Variants in GPBP1 observed in about 807,000 individuals in gnomAD.
The protein encoded by GPBP1 is GC-rich promoter binding protein 1.
GPBP1 carries 13 observed loss-of-function variants against 56.5 expected under a neutral mutation model. The ratio of observed to expected loss-of-function variants is 0.23; its 90% CI spans 0.15 to 0.37. The LOEUF (loss-of-function observed/expected upper bound fraction) is 0.37. GPBP1 is among the 10% of genes least tolerant of loss of function. The pLI is 1.00. For missense variants in GPBP1, 477 were observed against 572.3 expected (o/e 0.83, Z 1.70); for synonymous variants, 204 against 188.9 (o/e 1.08, Z -0.66).
chr5:57,259,690 C>T (rs1741808536), intron 10 of GPBP1, among the ~76,000 whole-genome samples: 1 of 152,104 alleles, frequency 6.6e-6, no homozygotes, highest in Admixed American at 6.6e-5. Flanking sequence ...TAATGATTTC[C>T]CATTGAAACT....
At chr5:57,251,663 T>C (rs78018916) in intron 10 of GPBP1, among the ~76,000 whole-genome samples, 4,421 of 152,164 alleles carry the variant, frequency 0.029, 144 homozygotes, top group East Asian at 0.12. Context: ...CATATATAAG[T>C]TCTTGTGTGG....
At chr5:57,261,132 C>T (rs1034526682) in intron 10 of GPBP1, 48 bp from the exon 11 acceptor site, 1 of 1,119,134 alleles carries the variant, frequency 8.9e-7, no homozygotes, top group Non-Finnish European at 1.4e-6. Context: ...TGATACTGTC[C>T]TACTCAGGGT....
chr5:57,183,584 A>G lies in GPBP1; in HGVS notation c.-58+7184A>G, dbSNP rs552263625. ...CTTGAGTCCTGGAATTTAAGATGTC[A>G]GTGAGCTATGATTGTATCACTGCAC... On this transcript the variant is annotated intron_variant, in intron 2 of 11. Transcript: ENST00000506184. Among the ~76,000 whole-genome samples the G allele has an allele frequency of 2.0e-5, 3 of 152,154 alleles. No individual in the cohort carries two copies. The South Asian group carries it at 6.2e-4, about 32-fold the overall frequency.
chr5:57,231,600 G>A (rs1250761839), intron 5 of GPBP1, among the ~76,000 whole-genome samples: 1 of 152,098 alleles, frequency 6.6e-6, no homozygotes, highest in Non-Finnish European at 1.5e-5. Context: ...TACTGCACCC[G>A]GCCAAAATAC....
At chr5:57,247,345 AT>A in intron 8 of GPBP1, 130 bp downstream of exon 8, 1 of 751,414 alleles carries the variant, frequency 1.3e-6, no homozygotes, top group Non-Finnish European at 2.0e-6. Context: ...AACTGGATTC[AT>A]TTACTTCATT....
chr5:57,183,499 C>T (rs886735860), intron 2 of GPBP1, among the ~76,000 whole-genome samples: 4 of 152,036 alleles, frequency 2.6e-5, no homozygotes, highest in Admixed American at 1.3e-4. Flanking sequence ...TAGAAATTAG[C>T]CCAGGTCAGT....
intron 3 of GPBP1, chr5:57,221,320 T>C (rs1260337364): frequency 4.7e-6 from 6 of 1,264,090 alleles, no homozygotes; most frequent in Non-Finnish European, 6.4e-6. Context: ...TTTTCTAGTT[T>C]TTTTAAATTC....
chr5:57,244,994 CA>C (rs1025927918), intron 6 of GPBP1, among the ~76,000 whole-genome samples: 3 of 152,172 alleles, frequency 2.0e-5, no homozygotes, highest in African/African-American at 7.2e-5. Flanking sequence ...CCTCATCTCC[CA>C]AAGTGCAGGG....
At chr5:57,238,750 A>G (rs944594540) in intron 6 of GPBP1, among the ~76,000 whole-genome samples, 4 of 152,104 alleles carry the variant, frequency 2.6e-5, no homozygotes, top group Non-Finnish European at 2.9e-5. Context: ...TCTTCTTCCA[A>G]CTCAGCATTT....
intron 2 of GPBP1, among the ~76,000 whole-genome samples, chr5:57,191,558 GTTTTT>G (rs60401326): frequency 4.8e-5 from 7 of 145,010 alleles, no homozygotes; most frequent in African/African-American, 7.7e-5. Context: ...TTATCTTTAG[GTTTTT>G]TTTTTTTTTG....
chr5:57,203,065 A>G (rs1194343920), intron 2 of GPBP1, among the ~76,000 whole-genome samples: 1 of 152,218 alleles, frequency 6.6e-6, no homozygotes, highest in Admixed American at 6.5e-5. Context: ...TGAAGTTTAT[A>G]TGAAAGTTAA....
chr5:57,213,450 T>A (rs1424555706), intron 2 of GPBP1, among the ~76,000 whole-genome samples: 1 of 151,504 alleles, frequency 6.6e-6, no homozygotes, highest in African/African-American at 2.4e-5. Context: ...ATGTTCAAAG[T>A]TCTGATTGTT....
chr5:57,194,045 C>G (rs1369426713), intron 2 of GPBP1, among the ~76,000 whole-genome samples: 1 of 152,166 alleles, frequency 6.6e-6, no homozygotes, highest in East Asian at 1.9e-4. Flanking sequence ...AGCATCATGT[C>G]TACCCTGCTC....
At chr5:57,180,668 C>T (rs1334209274) in intron 2 of GPBP1, among the ~76,000 whole-genome samples, 1 of 152,036 alleles carries the variant, frequency 6.6e-6, no homozygotes, top group African/African-American at 2.4e-5. Context: ...GCCTTAGTTT[C>T]TTCATTATAC....
Position 57,249,402 on chromosome 5 carries a change from C to T in GPBP1, c.805-7C>T. The T allele has an allele frequency of 6.3e-7, 1 of 1,582,554 alleles. No individual in the cohort carries two copies. Among genetic ancestry groups the T allele is most frequent in the Non-Finnish European group, 8.6e-7 (1 of 1,167,788 alleles). ...ATATTTATCAGTATTTCTGAATTTC[C>T]TCTTAGTGTAATCGCTCAAATTCCT... is the stretch of plus-strand genomic sequence containing the variant. On this transcript the variant is annotated splice_polypyrimidine_tract_variant and splice_region_variant and intron_variant, in intron 8 of 11. Transcript: ENST00000506184.
intron 5 of GPBP1, 139 bp downstream of exon 5, chr5:57,231,460 A>G (rs1756456431): frequency 1.4e-6 from 1 of 715,800 alleles, no homozygotes; most frequent in Non-Finnish European, 2.3e-6. Flanking sequence ...TTTTGTAGAG[A>G]CAGGGTTTCA....
chr5:57,227,219 A>G (rs1756236585), intron 3 of GPBP1, among the ~76,000 whole-genome samples: 1 of 151,908 alleles, frequency 6.6e-6, no homozygotes, highest in Admixed American at 6.6e-5. Flanking sequence ...TACCCAGCTA[A>G]TTTTTGTACT....
intron 10 of GPBP1, among the ~76,000 whole-genome samples, chr5:57,258,959 C>T (rs1741777839): frequency 6.6e-6 from 1 of 152,202 alleles, no homozygotes; most frequent in African/African-American, 2.4e-5. Context: ...TTGGATCCAG[C>T]AAAAGAGCAG....
At chr5:57,229,941 G>GCGTCCCGTCCCGTCCCATCCCGTCC (rs1756370782) in intron 3 of GPBP1, among the ~76,000 whole-genome samples, 1 of 146,078 alleles carries the variant, frequency 6.8e-6, no homozygotes, top group Admixed American at 6.9e-5. Context: ...GCATCGCATC[G>GCGTCCCGTCCCGTCCCATCCCGTCC]CGTCCCGTCC....
Sources: gnomAD v4.1 joint callset for allele counts (sites outside exome capture counted in the v4.1 genomes callset) on GRCh38, gnomAD v4.1.1 for gene constraint, MANE v1.5 for transcripts, NCBI Gene and HGNC (gene_info 2026-07-23, HGNC 2026-07-21) for gene names.